Variants in RFTN2 observed in about 807,000 individuals in gnomAD.
The protein encoded by RFTN2 is raftlin family member 2.
In RFTN2, 34 loss-of-function variants were observed where a neutral mutation model predicts 52.7. That is an observed-to-expected ratio of 0.64 (90% confidence interval 0.49 to 0.86). The LOEUF (loss-of-function observed/expected upper bound fraction) is 0.86. RFTN2 is among the 40% of genes least tolerant of loss of function. The pLI is 0.00. For synonymous variants in RFTN2, 203 were observed against 217.7 expected (o/e 0.93, Z 0.59); for missense variants, 536 against 600.1 (o/e 0.89, Z 1.12).
At chr2:197,584,888 C>G (rs1317036124) in intron 8 of RFTN2, among the ~76,000 whole-genome samples, 1 of 152,140 alleles carries the variant, frequency 6.6e-6, no homozygotes, top group Non-Finnish European at 1.5e-5. Flanking sequence ...CTTGCCTACT[C>G]CAGATTACCA....
At chr2:197,663,099 CAT>C (rs932313740) in intron 1 of RFTN2, among the ~76,000 whole-genome samples, 16 of 152,130 alleles carry the variant, frequency 1.1e-4, no homozygotes, top group Middle Eastern at 3.4e-3. Flanking sequence ...TTGAGATAAT[CAT>C]ATGTTTTTTG....
In RFTN2 at chr2:197,572,045, T is replaced by C; in HGVS notation, c.1469A>G (p.Asp490Gly). The stretch of plus-strand genomic sequence containing the variant: ...GACCTGAGTCACTCCATCTTCCTGA[T>C]CAAACTGTCCGTCGTCTAATTCCCG... Reference protein sequence around the residue: ...VLRELDDGQFDQEDGVTQVTC... With the variant: ...VLRELDDGQFGQEDGVTQVTC... Residue 490 changes from aspartate to glycine, a missense_variant, in exon 9 of 9, where the codon GAT becomes GGT. Transcript: ENST00000295049. 6.2e-7 allele frequency: 1 copy of C among 1,614,258 alleles called. No individual in the cohort carries two copies. The highest frequency in any genetic ancestry group is 8.5e-7 in the Non-Finnish European group (1 of 1,180,054).
At position 197,571,921 on chromosome 2, in the gene RFTN2, T is replaced by C. The variant is rs975738138; in HGVS notation, c.*87A>G. ...TCTGGAAAAATTCAAAAATATTACA[T>C]AAATGCAGAGAAAGTAATACAATAA... On this transcript the variant is annotated 3_prime_UTR_variant, in exon 9 of 9. Transcript: ENST00000295049. 147 of 1,404,238 alleles carry C rather than the reference T, an allele frequency of 1.0e-4. No homozygotes were observed. In the African/African-American group the frequency reaches 1.6e-3, roughly 15 times the overall value. 87.0% of individuals were successfully genotyped at this position (1,404,238 alleles called of 1,614,324 possible).
chr2:197,637,224 G>A (rs1270700066), intron 3 of RFTN2, among the ~76,000 whole-genome samples: 3 of 151,800 alleles, frequency 2.0e-5, no homozygotes, highest in East Asian at 1.9e-4. Context: ...GTCTCTGCCC[G>A]GCTTTGGTAT....
intron 7 of RFTN2, among the ~76,000 whole-genome samples, chr2:197,613,507 G>C (rs569872034): frequency 5.3e-5 from 8 of 152,212 alleles, no homozygotes; most frequent in African/African-American, 1.9e-4. Flanking sequence ...TAAAAACTTC[G>C]GGCTCTATCC....
At chr2:197,604,035 G>A (rs1046123120) in intron 7 of RFTN2, among the ~76,000 whole-genome samples, 3 of 152,124 alleles carry the variant, frequency 2.0e-5, no homozygotes, top group African/African-American at 7.2e-5. Flanking sequence ...ATGTAAATGT[G>A]CTCAATCTCA....
At chr2:197,575,336 C>T (rs1422292871) in intron 8 of RFTN2, among the ~76,000 whole-genome samples, 2 of 152,158 alleles carry the variant, frequency 1.3e-5, no homozygotes, top group Non-Finnish European at 2.9e-5. Flanking sequence ...AACGTGAGAA[C>T]AGACTAGTTT....
At chr2:197,671,423 C>T (rs73052878) in intron 1 of RFTN2, among the ~76,000 whole-genome samples, 2,147 of 152,236 alleles carry the variant, frequency 0.014, 51 homozygotes, top group African/African-American at 0.048. Context: ...CCACATGTAC[C>T]TTGTATTGTA....
Position 197,644,155 on chromosome 2 carries a change from T to C in RFTN2, c.438+3A>G. 1 of 1,532,782 alleles carries C rather than the reference T, an allele frequency of 6.5e-7. No homozygotes were observed. The highest frequency in any genetic ancestry group is 9.0e-7 in the Non-Finnish European group (1 of 1,105,800). 94.9% of individuals were successfully genotyped at this position (1,532,782 alleles called of 1,614,324 possible). A position where few individuals can be genotyped will look rare whatever the true frequency, so the allele number is the denominator to read the frequency against. Reference sequence around the variant, plus strand: ...CCCATGAAAAAGTGCATAAATTTAGTACCTTTTCTATCAGTTCTTTTGCTG... The same window carrying C: ...CCCATGAAAAAGTGCATAAATTTAGCACCTTTTCTATCAGTTCTTTTGCTG... On this transcript the variant is annotated splice_donor_region_variant and intron_variant, in intron 3 of 8. Coordinates refer to ENST00000295049, the MANE Select transcript of RFTN2 (RefSeq NM_144629.3).
chr2:197,604,992 C>T (rs1321940041), intron 7 of RFTN2, among the ~76,000 whole-genome samples: 3 of 152,156 alleles, frequency 2.0e-5, no homozygotes, highest in Admixed American at 2.0e-4. Flanking sequence ...AACTCCTGAC[C>T]TCAGGTGACC....
At chr2:197,587,345 TAAG>T (rs1466752995) in intron 8 of RFTN2, among the ~76,000 whole-genome samples, 4 of 152,108 alleles carry the variant, frequency 2.6e-5, no homozygotes, top group African/African-American at 4.8e-5. Context: ...CTTATTAATA[TAAG>T]AAGAAAGGAA....
At chr2:197,672,931 G>C (rs1331450600) in intron 1 of RFTN2, among the ~76,000 whole-genome samples, 5 of 152,112 alleles carry the variant, frequency 3.3e-5, no homozygotes, top group Non-Finnish European at 7.4e-5. Flanking sequence ...TTTCTGGGTG[G>C]AGCTTTGAAA....
intron 3 of RFTN2, among the ~76,000 whole-genome samples, 159 bp from the exon 4 acceptor site, chr2:197,634,156 T>G (rs1018253584): frequency 6.6e-6 from 1 of 152,090 alleles, no homozygotes; most frequent in Non-Finnish European, 1.5e-5. Flanking sequence ...ACCTGTAAAA[T>G]AGCACTGCCC....
At chr2:197,576,487 G>T (rs1025153606) in intron 8 of RFTN2, among the ~76,000 whole-genome samples, 1 of 152,166 alleles carries the variant, frequency 6.6e-6, no homozygotes, top group African/African-American at 2.4e-5. Context: ...TCATTTATAT[G>T]TTATTTGGGA....
intron 8 of RFTN2, among the ~76,000 whole-genome samples, chr2:197,584,660 G>A (rs1188868395): frequency 6.6e-6 from 1 of 152,034 alleles, no homozygotes; most frequent in Non-Finnish European, 1.5e-5. Flanking sequence ...ATTGCTTTTG[G>A]TGTTTTAGAC....
intron 7 of RFTN2, among the ~76,000 whole-genome samples, chr2:197,614,507 G>T (rs570468768): frequency 6.6e-6 from 1 of 152,314 alleles, no homozygotes; most frequent in African/African-American, 2.4e-5. Context: ...GTACTGAGAG[G>T]ACACTGAGCT....
intron 1 of RFTN2, among the ~76,000 whole-genome samples, chr2:197,669,613 G>C (rs2089115104): frequency 6.6e-6 from 1 of 152,162 alleles, no homozygotes; most frequent in Middle Eastern, 3.2e-3. Flanking sequence ...CTCATAAGAA[G>C]TTTGCAACCT....
intron 7 of RFTN2, among the ~76,000 whole-genome samples, chr2:197,611,074 C>A (rs1228143880): frequency 6.6e-6 from 1 of 152,110 alleles, no homozygotes; most frequent in East Asian, 1.9e-4. Flanking sequence ...CTAAAATATT[C>A]TTTTTTTGTT....
At chr2:197,575,450 C>T (rs776024700) in intron 8 of RFTN2, among the ~76,000 whole-genome samples, 1 of 152,180 alleles carries the variant, frequency 6.6e-6, no homozygotes, top group Non-Finnish European at 1.5e-5. Flanking sequence ...TTCTGCCTTA[C>T]ACAGTATAAA....
Sources: allele counts gnomAD v4.1 joint callset (sites outside exome capture counted in the v4.1 genomes callset), GRCh38; gene constraint gnomAD v4.1.1; transcripts MANE v1.5; gene names NCBI Gene and HGNC (gene_info 2026-07-23, HGNC 2026-07-21).